GPR141: variants seen among roughly 807,000 people sequenced by gnomAD.
GPR141 encodes the protein probable G protein-coupled receptor 141.
A neutral mutation model predicts 6.8 loss-of-function variants in GPR141; 6 were observed. That is an observed-to-expected ratio of 0.88 (90% CI 0.48 to 1.74). The LOEUF is 1.74. GPR141 is among the 40% of genes most tolerant of loss of function. The pLI, the probability that GPR141 is intolerant of heterozygous loss-of-function variation, is 0.01. For missense variants in GPR141, 372 were observed against 372.9 expected (o/e 1.00, Z 0.02); for synonymous variants, 140 against 142.3 (o/e 0.98, Z 0.11).
At chr7:37,696,260 T>A (rs958339822) in intron 2 of GPR141, among the ~76,000 whole-genome samples, 1 of 152,224 alleles carries the variant, frequency 6.6e-6, no homozygotes, top group Non-Finnish European at 1.5e-5. Context: ...CTAAGCATAT[T>A]TAAAGTAGTT....
intron 2 of GPR141, among the ~76,000 whole-genome samples, chr7:37,732,037 TTTTA>T (rs59467979): frequency 2.7e-5 from 4 of 146,094 alleles, no homozygotes; most frequent in Admixed American, 2.7e-4. Context: ...TTTTTTTTAT[TTTTA>T]TTTATTTATT....
intron 2 of GPR141, among the ~76,000 whole-genome samples, chr7:37,711,131 G>T (rs756923869): frequency 6.6e-6 from 1 of 152,160 alleles, no homozygotes; most frequent in Non-Finnish European, 1.5e-5. Flanking sequence ...ATACACTAAG[G>T]CTGGAAAGGT....
intron 2 of GPR141, among the ~76,000 whole-genome samples, chr7:37,695,405 C>T (rs769329246): frequency 6.6e-6 from 1 of 152,210 alleles, no homozygotes; most frequent in Non-Finnish European, 1.5e-5. Flanking sequence ...CTCCAGGCAG[C>T]TCCCTCAGCT....
At chr7:37,707,970 C>T (rs1429031005) in intron 2 of GPR141, among the ~76,000 whole-genome samples, 1 of 152,084 alleles carries the variant, frequency 6.6e-6, no homozygotes, top group Non-Finnish European at 1.5e-5. Context: ...CACAGACTGC[C>T]TCTCAAAACA....
chr7:37,732,726 C>A (rs530602099), intron 2 of GPR141, among the ~76,000 whole-genome samples: 2 of 152,260 alleles, frequency 1.3e-5, no homozygotes, highest in African/African-American at 4.8e-5. Context: ...ACCAAGGAGT[C>A]TCAGTAATAG....
intron 2 of GPR141, among the ~76,000 whole-genome samples, chr7:37,716,462 A>G (rs1333528091): frequency 6.6e-6 from 1 of 152,188 alleles, no homozygotes; most frequent in African/African-American, 2.4e-5. Flanking sequence ...ATGCTGAGAG[A>G]AACTGGGACA....
rs1562764851 is a variant in GPR141, at chr7:37,691,287, C to CTTTT, written c.-15+5704_-15+5705insTTTT. 4.7e-4 allele frequency among the ~76,000 whole-genome samples: 44 copies of CTTTT among 93,672 alleles called. 1 individual carries two copies. The highest frequency in any genetic ancestry group is 1.2e-3 in the East Asian group (3 of 2,550). 61.5% of individuals were successfully genotyped at this position (93,672 alleles called of 152,430 possible). On this transcript the variant is annotated intron_variant, in intron 2 of 2. Coordinates refer to ENST00000334425, the MANE Select transcript of GPR141 (RefSeq NM_001381946.1). The stretch of plus-strand genomic sequence containing the variant: ...TTTAACCTAGTTACCCAGTCTATAT[C>CTTTT]CTTTTTTTTTTTTTTTTTTTTTTTT...
intron 2 of GPR141, among the ~76,000 whole-genome samples, chr7:37,726,025 A>C (rs1414304448): frequency 2.0e-5 from 3 of 152,168 alleles, no homozygotes; most frequent in African/African-American, 7.2e-5. Context: ...TCCCCACCAA[A>C]AAATACTGAG....
At chr7:37,690,765 G>GA (rs148301088) in intron 2 of GPR141, among the ~76,000 whole-genome samples, 140 of 142,418 alleles carry the variant, frequency 9.8e-4, no homozygotes, top group African/African-American at 1.3e-3. Flanking sequence ...ATGTGTTGAT[G>GA]AAAAAAAAAA....
Position 37,741,438 on chromosome 7 carries a change from A to T in GPR141, c.*127A>T. On this transcript the variant is annotated 3_prime_UTR_variant, in exon 3 of 3. Transcript: ENST00000334425. ...TTGATGTACCCAAAACAAAAGGACT[A>T]TAAAATGCAAGAGCCCTCATTGTAG... 1.4e-6 allele frequency: 1 copy of T among 697,378 alleles called. No homozygotes were observed. The highest frequency in any genetic ancestry group is 2.0e-5 in the South Asian group (1 of 49,168). The allele number at this position is 697,378 out of a possible 1,614,324, so 43.2% of individuals were successfully genotyped here.
intron 2 of GPR141, among the ~76,000 whole-genome samples, chr7:37,696,442 G>A (rs553239474): frequency 7.9e-5 from 12 of 152,038 alleles, no homozygotes; most frequent in African/African-American, 1.2e-4. Flanking sequence ...ATGCATTACC[G>A]CCCACTGTCC....
At chr7:37,732,145 T>TCTC (rs200353641) in intron 2 of GPR141, among the ~76,000 whole-genome samples, 4 of 84,228 alleles carry the variant, frequency 4.7e-5, no homozygotes, top group African/African-American at 1.2e-4. Flanking sequence ...TCTCTCTCTC[T>TCTC]TTTTTTTTTT....
chr7:37,721,526 A>G (rs1811327520), intron 2 of GPR141, among the ~76,000 whole-genome samples: 1 of 152,184 alleles, frequency 6.6e-6, no homozygotes, highest in Admixed American at 6.5e-5. Context: ...GTCTTCTCTG[A>G]ACGGCTTTCC....
chr7:37,691,192 ATC>A (rs1332135783), intron 2 of GPR141, among the ~76,000 whole-genome samples: 9 of 138,678 alleles, frequency 6.5e-5, no homozygotes, highest in Non-Finnish European at 1.1e-4. Flanking sequence ...CTTCTAGTCT[ATC>A]TGTATTATTA....
Position 37,741,243 on chromosome 7 carries a change from G to A in GPR141, c.850G>A (p.Val284Ile). Residue 284 changes from valine to isoleucine, a missense_variant, in exon 3 of 3, where the codon GTC becomes ATC. By Grantham distance (29) the Val-to-Ile change is conservative. Coordinates refer to ENST00000334425, the MANE Select transcript of GPR141 (RefSeq NM_001381946.1). ...TAGCTGCTATGATTTGCTTCTCTTT[G>A]TCTTTGGGGGAAGCCATTGGTTTAA... ...AISCYDLLLF[V>I]FGGSHWFKQK... 1 of 1,611,448 alleles carries A rather than the reference G, an allele frequency of 6.2e-7. No individual in the cohort carries two copies.
At chr7:37,708,891 G>A (rs547521608) in intron 2 of GPR141, among the ~76,000 whole-genome samples, 10 of 152,248 alleles carry the variant, frequency 6.6e-5, no homozygotes, top group South Asian at 2.1e-4. Flanking sequence ...AGCGAACTGC[G>A]TATGTAAAGG....
rs148461164 is a variant in GPR141 at position 37,715,839 on chromosome 7, G to A, written c.-14-24541G>A. 3.0e-3 allele frequency among the ~76,000 whole-genome samples: 455 copies of A among 152,274 alleles called. 4 individuals are homozygous for A. Among genetic ancestry groups the A allele is most frequent in the South Asian group, 0.029 (139 of 4,814 alleles). On this transcript the variant is annotated intron_variant, in intron 2 of 2. Transcript: ENST00000334425. Reference sequence around the variant, plus strand: ...GTGGCAGCATTTGTAGGCCGCCAATGCACACATTCCACTACCTAAAACAAG... The same window carrying A: ...GTGGCAGCATTTGTAGGCCGCCAATACACACATTCCACTACCTAAAACAAG...
chr7:37,731,560 C>T (rs1811935470), intron 2 of GPR141, among the ~76,000 whole-genome samples: 1 of 152,066 alleles, frequency 6.6e-6, no homozygotes, highest in Non-Finnish European at 1.5e-5. Context: ...TCTCCTGCCT[C>T]AGCCTCCCGA....
At chr7:37,704,465 C>T (rs1282345787) in intron 2 of GPR141, among the ~76,000 whole-genome samples, 4 of 152,140 alleles carry the variant, frequency 2.6e-5, no homozygotes, top group African/African-American at 9.7e-5. Flanking sequence ...AGGGGAAATG[C>T]CAGATGCTTA....
Sources: gnomAD v4.1 joint callset for allele counts (sites outside exome capture counted in the v4.1 genomes callset) on GRCh38, gnomAD v4.1.1 for gene constraint, MANE v1.5 for transcripts, NCBI Gene and HGNC (gene_info 2026-07-23, HGNC 2026-07-21) for gene names.